The following CDH8 variants were observed in gnomAD, a reference collection of about 807,000 sequenced individuals.
The protein encoded by CDH8 is cadherin-8.
CDH8 carries 17 observed loss-of-function variants against 68.1 expected under a neutral mutation model. That is an observed-to-expected ratio of 0.25 (90% CI 0.17 to 0.37). The LOEUF is 0.37. CDH8 is among the 10% of genes least tolerant of loss of function. The pLI, the probability that CDH8 is intolerant of heterozygous loss-of-function variation, is 1.00. For missense variants in CDH8, 763 were observed against 999.3 expected (o/e 0.76, Z 3.19); for synonymous variants, 372 against 365.1 (o/e 1.02, Z -0.21).
Position 61,651,266 on chromosome 16 carries a change from G to C in CDH8, c.*2342C>G, listed in dbSNP as rs1963316192. The C allele has an allele frequency of 6.6e-6, 1 of 152,016 alleles. No homozygotes were observed. Among genetic ancestry groups the C allele is most frequent in the African/African-American group, 2.4e-5 (1 of 41,404 alleles). 9.4% of individuals were successfully genotyped at this position (152,016 alleles called of 1,614,324 possible). On this transcript the variant is annotated 3_prime_UTR_variant, in exon 12 of 12. Coordinates refer to ENST00000577390, the MANE Select transcript of CDH8 (RefSeq NM_001796.5). ...ACTACTAATAATTTACATTCACCAA[G>C]CACTTGTTTTAGACACTGTGCCAAG...
chr16:61,758,110 T>C (rs1403791104), intron 8 of CDH8, among the ~76,000 whole-genome samples: 6 of 152,122 alleles, frequency 3.9e-5, no homozygotes, highest in Non-Finnish European at 8.8e-5. Context: ...AGCAAAGGAT[T>C]TGCAGAAGCT....
chr16:61,775,138 T>G (rs1960872174), intron 8 of CDH8, among the ~76,000 whole-genome samples: 2 of 152,104 alleles, frequency 1.3e-5, no homozygotes, highest in African/African-American at 4.8e-5. Context: ...CCGAAGCAGG[T>G]GAATTGCTTG....
chr16:61,681,937 T>G (rs1203044465), intron 10 of CDH8, among the ~76,000 whole-genome samples: 1 of 151,846 alleles, frequency 6.6e-6, no homozygotes, highest in African/African-American at 2.4e-5. Context: ...GTATTCATAA[T>G]GCTTTGCAAA....
intron 8 of CDH8, among the ~76,000 whole-genome samples, chr16:61,766,380 C>CA (rs2142978505): frequency 6.6e-6 from 1 of 151,984 alleles, no homozygotes; most frequent in Admixed American, 6.6e-5. Flanking sequence ...TTTCTTTATC[C>CA]ATTCATTGTT....
At chr16:61,668,193 C>A (rs1963718108) in intron 10 of CDH8, among the ~76,000 whole-genome samples, 1 of 151,948 alleles carries the variant, frequency 6.6e-6, no homozygotes, top group Non-Finnish European at 1.5e-5. Flanking sequence ...TACCATAACA[C>A]AGCAGAGCAG....
intron 4 of CDH8, among the ~76,000 whole-genome samples, chr16:61,852,174 G>C (rs1962950885): frequency 6.6e-6 from 1 of 152,024 alleles, no homozygotes; most frequent in South Asian, 2.1e-4. Context: ...TATTCTTCCT[G>C]TTATGATTTG....
At position 61,651,261 on chromosome 16, in the gene CDH8, A is replaced by G. The variant is rs1173992906; in HGVS notation, c.*2347T>C. On this transcript the variant is annotated 3_prime_UTR_variant, in exon 12 of 12. Coordinates refer to ENST00000577390, the MANE Select transcript of CDH8 (RefSeq NM_001796.5). ...CAACTACTACTAATAATTTACATTC[A>G]CCAAGCACTTGTTTTAGACACTGTG... 1.3e-5 allele frequency: 2 copies of G among 152,116 alleles called. No individual in the cohort carries two copies. The highest frequency in any genetic ancestry group is 4.8e-5 in the African/African-American group (2 of 41,430). The allele number at this position is 152,116 out of a possible 1,614,324, so 9.4% of individuals were successfully genotyped here.
chr16:62,018,885 G>T (rs562840380), intron 2 of CDH8, among the ~76,000 whole-genome samples: 1 of 152,186 alleles, frequency 6.6e-6, no homozygotes, highest in East Asian at 1.9e-4. Flanking sequence ...GATGCTGAAT[G>T]CCTGGCTGTT....
intron 10 of CDH8, among the ~76,000 whole-genome samples, chr16:61,669,881 T>G (rs1567412889): frequency 6.6e-6 from 1 of 152,018 alleles, no homozygotes; most frequent in Non-Finnish European, 1.5e-5. Context: ...CTCGTTAGCG[T>G]TTTTCTCTAA....
intron 2 of CDH8, among the ~76,000 whole-genome samples, chr16:61,940,011 A>G (rs2143529676): frequency 6.6e-6 from 1 of 152,304 alleles, no homozygotes; most frequent in South Asian, 2.1e-4. Context: ...AACCCAAACA[A>G]AAGAGGTGCA....
At chr16:61,876,729 ATATT>A (rs745478410) in intron 3 of CDH8, among the ~76,000 whole-genome samples, 13 of 152,118 alleles carry the variant, frequency 8.5e-5, no homozygotes, top group African/African-American at 1.2e-4. Context: ...CATTAAATGA[ATATT>A]TATTGAACAA....
At chr16:61,990,683 G>C (rs1446230655) in intron 2 of CDH8, among the ~76,000 whole-genome samples, 1 of 152,070 alleles carries the variant, frequency 6.6e-6, no homozygotes, top group East Asian at 1.9e-4. Context: ...AATTTAGCCA[G>C]TGTGGCGGTG....
chr16:62,021,329 A>C lies in CDH8; in HGVS notation c.75T>G (p.Pro25=). 6.2e-7 allele frequency: 1 copy of C among 1,613,996 alleles called. No individual in the cohort carries two copies. Among genetic ancestry groups the C allele is most frequent in the Non-Finnish European group, 8.5e-7 (1 of 1,179,916 alleles). The change falls in exon 2 of 12, where the codon CCT becomes CCG. Residue 25 remains proline, a synonymous_variant. Coordinates refer to ENST00000577390, the MANE Select transcript of CDH8 (RefSeq NM_001796.5). Reference sequence around the variant, plus strand: ...GATTCATCGGAGCCATGTAAATGCAAGGGGGAAGAGTAATCCATAATATTA... The same window carrying C: ...GATTCATCGGAGCCATGTAAATGCACGGGGGAAGAGTAATCCATAATATTA... ...PLIILWITLP[P]CIYMAPMNQS...
chr16:61,889,002 C>A (rs1397498544), intron 3 of CDH8, among the ~76,000 whole-genome samples: 1 of 152,150 alleles, frequency 6.6e-6, no homozygotes. Flanking sequence ...TCAGCTGCAA[C>A]AGTAGCACAA....
chr16:62,007,966 T>A (rs1648643975), intron 2 of CDH8, among the ~76,000 whole-genome samples: 2 of 152,104 alleles, frequency 1.3e-5, no homozygotes, highest in African/African-American at 4.8e-5. Context: ...TATTATTATT[T>A]TTTTGAGTCA....
chr16:61,889,923 T>TAA (rs1688241930), intron 3 of CDH8, among the ~76,000 whole-genome samples: 1 of 152,172 alleles, frequency 6.6e-6, no homozygotes, highest in Non-Finnish European at 1.5e-5. Flanking sequence ...AATACAAAGT[T>TAA]TTTCCTAAGT....
rs774412866 is a variant in CDH8, at chr16:61,789,317, G to C, written c.1414+29C>G. 35 of 1,598,282 alleles carry C rather than the reference G, an allele frequency of 2.2e-5. No individual in the cohort carries two copies. The South Asian group carries it at 3.9e-4, about 18-fold the overall frequency. Reference sequence around the variant, plus strand: ...GCATAAATTGAACTCAGTCACACAAGGAAGAAATGAACAAATCCAGGCACT... The same window carrying C: ...GCATAAATTGAACTCAGTCACACAACGAAGAAATGAACAAATCCAGGCACT... On this transcript the variant is annotated intron_variant, in intron 8 of 11. Transcript: ENST00000577390.
chr16:61,990,853 A>G (rs1233876398), intron 2 of CDH8, among the ~76,000 whole-genome samples: 3 of 141,074 alleles, frequency 2.1e-5, no homozygotes, highest in Non-Finnish European at 4.6e-5. Flanking sequence ...AGATGGAACG[A>G]AGGGAGGGAG....
intron 10 of CDH8, among the ~76,000 whole-genome samples, chr16:61,711,141 G>A (rs1330568053): frequency 6.6e-6 from 1 of 151,746 alleles, no homozygotes; most frequent in African/African-American, 2.4e-5. Context: ...AATTATTTGT[G>A]AAATAATTCA....
Sources: gnomAD v4.1 joint callset for allele counts (sites outside exome capture counted in the v4.1 genomes callset) on GRCh38, gnomAD v4.1.1 for gene constraint, MANE v1.5 for transcripts, NCBI Gene and HGNC (gene_info 2026-07-23, HGNC 2026-07-21) for gene names.